Variants in CCDC180 observed in about 807,000 individuals in gnomAD.
CCDC180 encodes coiled-coil domain containing 180.
In CCDC180, 154 loss-of-function variants were observed where a neutral mutation model predicts 209.2. The observed-to-expected ratio is 0.74, with a 90% CI of 0.65 to 0.84. The LOEUF (loss-of-function observed/expected upper bound fraction) is 0.84, where lower values mean the gene tolerates loss of function less well. Among genes scored for constraint, CCDC180 ranks in the 40% least tolerant of loss-of-function variants. CCDC180 has a pLI of 0.00. For synonymous variants in CCDC180, 778 were observed against 749.1 expected (o/e 1.04, Z -0.63); for missense variants, 1,874 against 1,997.3 (o/e 0.94, Z 1.18).
rs3052473 is a variant in CCDC180, at chr9:97,352,114, AAACAAC to A, written c.3002+1586_3002+1591del. 8.0e-4 allele frequency among the ~76,000 whole-genome samples: 120 copies of A among 150,530 alleles called. 1 individual carries two copies. The highest frequency in any genetic ancestry group is 3.2e-3 in the South Asian group (15 of 4,726). The stretch of plus-strand genomic sequence containing the variant: ...GGAGACAGAGTGAGATTCCATCTCA[AAACAAC>A]AACAACAACAACAACAACAACAACA... On this transcript the variant is annotated intron_variant, in intron 22 of 36. Transcript: ENST00000529487.
chr9:97,351,696 T>G (rs1165355337), intron 22 of CCDC180, among the ~76,000 whole-genome samples: 1 of 152,202 alleles, frequency 6.6e-6, no homozygotes, highest in Non-Finnish European at 1.5e-5. Flanking sequence ...GTTAGTTTTG[T>G]ACAGAAATGG....
rs772565433 is a variant in CCDC180 at position 97,354,731 on chromosome 9, G to T, written c.3147+18G>T. On this transcript the variant is annotated intron_variant, in intron 23 of 36. Coordinates refer to ENST00000529487, the MANE Select transcript of CCDC180 (RefSeq NM_020893.6). ...TGGACCAGGTAGGGCCCCCAGCCAG[G>T]CCCCAGGCCAACCGGTTCCACAGTA... The T allele has an allele frequency of 1.2e-6, 2 of 1,614,022 alleles. No individual in the cohort carries two copies. The highest frequency in any genetic ancestry group is 1.3e-5 in the African/African-American group (1 of 74,930).
chr9:97,322,840 C>G lies in CCDC180; in HGVS notation c.1167C>G (p.Tyr389Ter), dbSNP rs766732858. 18 of 1,613,816 alleles carry G rather than the reference C, an allele frequency of 1.1e-5. No homozygotes were observed. The highest frequency in any genetic ancestry group is 1.5e-5 in the Non-Finnish European group (18 of 1,179,886). Reference sequence around the variant, plus strand: ...TGTTTTCTGCCCATGGAGACACCTACCACGTGGACTGCATGATGCGGATCC... The same window carrying G: ...TGTTTTCTGCCCATGGAGACACCTAGCACGTGGACTGCATGATGCGGATCC... ...LNSLNKELDT[Y>*]HVDCMMRIRL... The change falls in exon 12 of 37, where the codon TAC (tyrosine) becomes TAG (stop). Residue 389 changes from tyrosine (Y) to a stop codon, truncating the protein, a stop_gained. Transcript: ENST00000529487. LOFTEE classifies it high-confidence loss of function.
Position 97,376,808 on chromosome 9 carries a change from G to A in CCDC180, c.4888G>A (p.Asp1630Asn), listed in dbSNP as rs758021910. 1 of 1,613,538 alleles carries A rather than the reference G, an allele frequency of 6.2e-7. No homozygotes were observed. Among genetic ancestry groups the A allele is most frequent in the East Asian group, 2.2e-5 (1 of 44,888 alleles). ...FEEELKRIQDDCTSQIKEAQR... is the reference protein window; with the variant it reads ...FEEELKRIQDNCTSQIKEAQR... ...GGAGGAGCTAAAGAGGATCCAGGAT[G>A]ACTGTACATCTCAGATAAAGGAGGC... Residue 1630 changes from aspartate to asparagine, a missense_variant, in exon 37 of 37, where the codon GAC becomes AAC. Asp to Asn is a conservative substitution (Grantham distance 23). Transcript: ENST00000529487.
intron 22 of CCDC180, 103 bp downstream of exon 22, chr9:97,350,658 C>A: frequency 8.0e-7 from 1 of 1,243,248 alleles, no homozygotes; most frequent in Non-Finnish European, 1.1e-6. Context: ...ATAAACGTAA[C>A]ATCAAACTTA....
chr9:97,317,069 T>G lies in CCDC180; in HGVS notation c.800T>G (p.Met267Arg). The G allele has an allele frequency of 6.2e-7, 1 of 1,611,044 alleles. No homozygotes were observed. The highest frequency in any genetic ancestry group is 8.5e-7 in the Non-Finnish European group (1 of 1,178,072). The change falls in exon 9 of 37, where the codon ATG (methionine) becomes AGG (arginine). Residue 267 changes from methionine (M) to arginine (R), a missense_variant. Physicochemically the swap from Met to Arg is moderately conservative, Grantham distance 91 (BLOSUM62 -1). Coordinates refer to ENST00000529487, the MANE Select transcript of CCDC180 (RefSeq NM_020893.6). The stretch of plus-strand genomic sequence containing the variant: ...CCTGCCCATCTGTGACCACAGGTCA[T>G]GAACTATGCCCTGCTGGGCAACCGG... ...YRLINEEAMV[M>R]NYALLGNRKA...
intron 18 of CCDC180, among the ~76,000 whole-genome samples, chr9:97,340,788 C>A (rs773891834): frequency 6.6e-6 from 1 of 152,272 alleles, no homozygotes; most frequent in Middle Eastern, 3.4e-3. Flanking sequence ...ACTTAGCAGA[C>A]CAGGAAAGGG....
chr9:97,345,014 T>C (rs1308332268), intron 19 of CCDC180, among the ~76,000 whole-genome samples: 4 of 152,252 alleles, frequency 2.6e-5, no homozygotes, highest in Non-Finnish European at 4.4e-5. Flanking sequence ...GAGACATATA[T>C]ATTATTGAAT....
In CCDC180 at chr9:97,317,345, T is replaced by C. The variant is rs1162887323; in HGVS notation, c.959+117T>C. ...TAAAAATGCTGCTGTTTCTCTCTGC[T>C]CTTTTTAAAGTTAGAAATAGATAAA... On this transcript the variant is annotated intron_variant, in intron 9 of 36. Coordinates refer to ENST00000529487, the MANE Select transcript of CCDC180 (RefSeq NM_020893.6). 18 of 965,240 alleles carry C rather than the reference T, an allele frequency of 1.9e-5. No individual in the cohort carries two copies. In the East Asian group the frequency reaches 3.8e-4, roughly 21 times the overall value. 59.8% of individuals were successfully genotyped at this position (965,240 alleles called of 1,614,324 possible).
chr9:97,372,926 A>G (rs1827145301), intron 34 of CCDC180: 1 of 152,242 alleles, frequency 6.6e-6, no homozygotes, highest in Non-Finnish European at 1.5e-5. Flanking sequence ...ATGTGCAGGT[A>G]AATACCACAC....
In CCDC180 at chr9:97,376,593, G is replaced by A. The variant is rs892032856; in HGVS notation, c.4843-170G>A. On this transcript the variant is annotated intron_variant, in intron 36 of 36. Coordinates refer to ENST00000529487, the MANE Select transcript of CCDC180 (RefSeq NM_020893.6). ...CTCAGTTTTCCTGTCTTGTAAAATG[G>A]GGAAAACAACTAGGACTACCTGGTT... The A allele has an allele frequency of 2.0e-5, 13 of 644,564 alleles. No homozygotes were observed. In the Admixed American group the frequency reaches 3.9e-4, roughly 19 times the overall value. 39.9% of individuals were successfully genotyped at this position (644,564 alleles called of 1,614,324 possible).
At chr9:97,316,105 G>T (rs1411750315) in intron 8 of CCDC180, among the ~76,000 whole-genome samples, 1 of 152,176 alleles carries the variant, frequency 6.6e-6, no homozygotes, top group East Asian at 1.9e-4. Context: ...CTCCTAAGTT[G>T]TGCACATTTT....
At chr9:97,327,159 ACT>A (rs1833558565) in intron 15 of CCDC180, among the ~76,000 whole-genome samples, 2 of 151,970 alleles carry the variant, frequency 1.3e-5, no homozygotes, top group Admixed American at 6.5e-5. Context: ...ACAGAGTGAG[ACT>A]CTGTCTCAAA....
intron 24 of CCDC180, among the ~76,000 whole-genome samples, chr9:97,356,728 G>A (rs1826595995): frequency 6.6e-6 from 1 of 152,220 alleles, no homozygotes; most frequent in Non-Finnish European, 1.5e-5. Flanking sequence ...TGTTCACAGT[G>A]TACAGGGGTT....
In CCDC180 at chr9:97,330,092, T is replaced by TG. The variant is rs1384349269; in HGVS notation, c.1789-56dup. On this transcript the variant is annotated intron_variant, in intron 16 of 36. Coordinates refer to ENST00000529487, the MANE Select transcript of CCDC180 (RefSeq NM_020893.6). ...AAAAAAAAAAAAAAAAAAAAAAAGG[T>TG]GGGGGGCACTCTGAAGAAAGGCAGT... 6 of 689,568 alleles carry TG rather than the reference T, an allele frequency of 8.7e-6. No individual in the cohort carries two copies. The East Asian group carries it at 1.2e-4, about 14-fold the overall frequency. The allele number at this position is 689,568 out of a possible 1,614,324, so 42.7% of individuals were successfully genotyped here. A position where few individuals can be genotyped will look rare whatever the true frequency, so the allele number is the denominator to read the frequency against.
chr9:97,374,590 C>G lies in CCDC180; in HGVS notation c.4648C>G (p.Leu1550Val). 6.2e-7 allele frequency: 1 copy of G among 1,614,146 alleles called. No homozygotes were observed. Among genetic ancestry groups the G allele is most frequent in the Non-Finnish European group, 8.5e-7 (1 of 1,180,040 alleles). Residue 1550 changes from leucine to valine, a missense_variant, in exon 35 of 37, where the codon CTC becomes GTC. Leu to Val is a conservative substitution (Grantham distance 32, BLOSUM62 1). Coordinates refer to ENST00000529487, the MANE Select transcript of CCDC180 (RefSeq NM_020893.6). ...ATTATCAATGCTCATACGAAGGAAA[C>G]TCGCTGGGCTCTCCCTGAAGGAAGA... Reference protein sequence around the residue: ...QKLSMLIRRKLAGLSLKEESE... With the variant: ...QKLSMLIRRKVAGLSLKEESE...
chr9:97,374,850 T>G (rs3747490), intron 35 of CCDC180, among the ~76,000 whole-genome samples: 32,528 of 152,210 alleles, frequency 0.21, 3,720 homozygotes, highest in East Asian at 0.39. Context: ...AGGTAGTACC[T>G]GGGGTGCCCC....
At chr9:97,337,787 T>G (rs1825953697) in intron 18 of CCDC180, among the ~76,000 whole-genome samples, 1 of 152,224 alleles carries the variant, frequency 6.6e-6, no homozygotes, top group Admixed American at 6.5e-5. Flanking sequence ...TGAATCCATC[T>G]GGTCCTGGAC....
In CCDC180 at chr9:97,343,320, T is replaced by C. The variant is rs1385543565; in HGVS notation, c.2275-20T>C. ...CCATTTGATGATATCAAGTCAACTT[T>C]AGTGTTATTGCCTGCTTAGGAAGAA... On this transcript the variant is annotated intron_variant, in intron 18 of 36. Coordinates refer to ENST00000529487, the MANE Select transcript of CCDC180 (RefSeq NM_020893.6). The C allele has an allele frequency of 6.7e-7, 1 of 1,491,528 alleles. No homozygotes were observed. The highest frequency in any genetic ancestry group is 1.1e-5 in the South Asian group (1 of 88,092). The allele number at this position is 1,491,528 out of a possible 1,614,324, so 92.4% of individuals were successfully genotyped here.
Sources: gnomAD v4.1 joint callset for allele counts (sites outside exome capture counted in the v4.1 genomes callset) on GRCh38, gnomAD v4.1.1 for gene constraint, MANE v1.5 for transcripts, NCBI Gene and HGNC (gene_info 2026-07-23, HGNC 2026-07-21) for gene names.